Variants in ANP32E observed in about 807,000 individuals in gnomAD.
The protein encoded by ANP32E is acidic nuclear phosphoprotein 32 family member E.
ANP32E carries 14 observed loss-of-function variants against 35.3 expected under a neutral mutation model. The ratio of observed to expected loss-of-function variants is 0.40; its 90% CI spans 0.26 to 0.62. The LOEUF is 0.62. Ranked by LOEUF, ANP32E falls within the 20% of genes least tolerant of loss-of-function variation. The probability of loss-of-function intolerance (pLI) is 0.45; values close to 1 mark genes in which losing one functional copy is unlikely to be tolerated. For synonymous variants in ANP32E, 89 were observed against 110.4 expected (o/e 0.81, Z 1.22); for missense variants, 198 against 304.4 (o/e 0.65, Z 2.60).
At chr1:150,221,506 AGGG>A (rs1452151541) in intron 6 of ANP32E, among the ~76,000 whole-genome samples, 4 of 102,684 alleles carry the variant, frequency 3.9e-5, no homozygotes, top group African/African-American at 1.1e-4. Context: ...GGAGGGAGGG[AGGG>A]AGGAAAGGAA....
intron 1 of ANP32E, chr1:150,234,568 A>T (rs587773077): frequency 1.0e-6 from 1 of 985,058 alleles, no homozygotes; most frequent in Admixed American, 6.1e-5. Flanking sequence ...AGCTACAGAC[A>T]ACTCCCTTAC....
intron 3 of ANP32E, among the ~76,000 whole-genome samples, chr1:150,229,657 T>C (rs868970505): frequency 4.6e-5 from 7 of 152,368 alleles, no homozygotes; most frequent in Middle Eastern, 3.4e-3. Context: ...TTTGTATTTT[T>C]ATTAGAGACA....
At chr1:150,228,568 T>A (rs1649076368) in intron 4 of ANP32E, among the ~76,000 whole-genome samples, 1 of 151,976 alleles carries the variant, frequency 6.6e-6, no homozygotes, top group Admixed American at 6.6e-5. Context: ...GGCGGGCACC[T>A]GTAATCCCAG....
Position 150,229,232 on chromosome 1 carries a change from A to G in ANP32E, c.333T>C (p.Asn111=). ...KDLSTVEALQ[N]LKNLKSLDLF... Reference sequence around the variant, plus strand: ...GGTCAAGACTTTTCAAATTTTTAAGATTTTGCTGGAAAAGTAAAGTTAAAA... The same window carrying G: ...GGTCAAGACTTTTCAAATTTTTAAGGTTTTGCTGGAAAAGTAAAGTTAAAA... The change falls in exon 4 of 7, where the codon AAT becomes AAC. Residue 111 remains asparagine (N), a synonymous_variant. Coordinates refer to ENST00000583931, the MANE Select transcript of ANP32E (RefSeq NM_030920.5). The G allele has an allele frequency of 6.5e-7, 1 of 1,541,834 alleles. No homozygotes were observed. The highest frequency in any genetic ancestry group is 8.7e-7 in the Non-Finnish European group (1 of 1,143,136).
chr1:150,228,460 G>C (rs10888576), intron 4 of ANP32E, among the ~76,000 whole-genome samples: 41,498 of 152,012 alleles, frequency 0.27, 6,211 homozygotes, highest in East Asian at 0.58. Flanking sequence ...AGGAGGCTGA[G>C]GCAGGTGGAT....
Position 150,226,799 on chromosome 1 carries a change from T to A in ANP32E, c.494-4A>T. ...TCTTCATCATCTTCATCGCCATCTT[T>A]AAAAAATCATTTAAAGATGAGTAAA... is the stretch of plus-strand genomic sequence containing the variant. On this transcript the variant is annotated splice_polypyrimidine_tract_variant and splice_region_variant and intron_variant, in intron 4 of 6. Transcript: ENST00000583931. 1 of 1,596,502 alleles carries A rather than the reference T, an allele frequency of 6.3e-7. No individual in the cohort carries two copies. The highest frequency in any genetic ancestry group is 8.5e-7 in the Non-Finnish European group (1 of 1,175,030).
intron 1 of ANP32E, chr1:150,234,530 T>G: frequency 1.1e-6 from 1 of 949,382 alleles, no homozygotes; most frequent in Non-Finnish European, 1.3e-6. Flanking sequence ...ACCACCCCAG[T>G]TATATCCTTC....
Position 150,218,479 on chromosome 1 carries a change from A to G in ANP32E, c.*2212T>C, listed in dbSNP as rs1648094603. The G allele has an allele frequency of 6.6e-6, 1 of 152,624 alleles. No individual in the cohort carries two copies. The highest frequency in any genetic ancestry group is 2.4e-5 in the African/African-American group (1 of 41,466). 9.5% of individuals were successfully genotyped at this position (152,624 alleles called of 1,614,324 possible). The stretch of plus-strand genomic sequence containing the variant: ...TTCAGTTTCAAAAACTTTAAGTTAC[A>G]GCAGTCACAGAAAAAAACAGGGAAC... On this transcript the variant is annotated 3_prime_UTR_variant, in exon 7 of 7. Coordinates refer to ENST00000583931, the MANE Select transcript of ANP32E (RefSeq NM_030920.5).
chr1:150,226,926 CTTT>C, intron 4 of ANP32E, 131 bp from the exon 5 acceptor site: 2 of 966,844 alleles, frequency 2.1e-6, no homozygotes, highest in Non-Finnish European at 2.7e-6. Flanking sequence ...CACAGCGATA[CTTT>C]TTTTTTTTTA....
At position 150,236,014 on chromosome 1, in the gene ANP32E, G is replaced by A; in HGVS notation, c.-228C>T. 1 of 556,728 alleles carries A rather than the reference G, an allele frequency of 1.8e-6. No individual in the cohort carries two copies. Among genetic ancestry groups the A allele is most frequent in the Non-Finnish European group, 3.2e-6 (1 of 309,618 alleles). 34.5% of individuals were successfully genotyped at this position (556,728 alleles called of 1,614,324 possible). A position where few individuals can be genotyped will look rare whatever the true frequency, so the allele number is the denominator to read the frequency against. On this transcript the variant is annotated 5_prime_UTR_variant, in exon 1 of 7. Coordinates refer to ENST00000583931, the MANE Select transcript of ANP32E (RefSeq NM_030920.5). Reference sequence around the variant, plus strand: ...CCCCCACCTCCTTGTCCACACACTAGCGCGCGCACACACACGCACGCACGC... The same window carrying A: ...CCCCCACCTCCTTGTCCACACACTAACGCGCGCACACACACGCACGCACGC...
chr1:150,222,772 A>AAT lies in ANP32E; in HGVS notation c.736+412_736+413dup, dbSNP rs1247177699. On this transcript the variant is annotated intron_variant, in intron 6 of 6. Coordinates refer to ENST00000583931, the MANE Select transcript of ANP32E (RefSeq NM_030920.5). ...ACCCTGTTTCAAACAAACAAACAAAAATATATATATATATAAATTTTTAAA... is the reference window on the plus strand; with the variant it reads ...ACCCTGTTTCAAACAAACAAACAAAAATATATATATATATATAAATTTTTAAA... Among the ~76,000 whole-genome samples the AAT allele has an allele frequency of 2.7e-3, 412 of 150,772 alleles. 2 individuals are homozygous for AAT. The highest frequency in any genetic ancestry group is 8.5e-3 in the African/African-American group (350 of 41,268).
chr1:150,223,332 A>G (rs782192029), intron 5 of ANP32E, 92 bp from the exon 6 acceptor site: 12 of 1,458,070 alleles, frequency 8.2e-6, no homozygotes, highest in African/African-American at 1.4e-5. Context: ...CAAAGAAACT[A>G]TGGTTATTCT....
chr1:150,234,456 T>A, intron 1 of ANP32E: 2 of 321,336 alleles, frequency 6.2e-6, no homozygotes, highest in Non-Finnish European at 8.8e-6. Context: ...TAGTTGCCAC[T>A]CCACACGCCG....
Position 150,235,968 on chromosome 1 carries a change from G to C in ANP32E, c.-182C>G. ...AGAGAATAGCAAATGGAGTCCAAGAGTTGGGACTCTAACTCAGCTGCCCCC... is the reference window on the plus strand; with the variant it reads ...AGAGAATAGCAAATGGAGTCCAAGACTTGGGACTCTAACTCAGCTGCCCCC... On this transcript the variant is annotated 5_prime_UTR_variant, in exon 1 of 7. Coordinates refer to ENST00000583931, the MANE Select transcript of ANP32E (RefSeq NM_030920.5). This position sits in a 1 kb window ranked among gnomAD's most constrained non-coding sequence, Gnocchi z 4.2. 1.7e-6 allele frequency: 1 copy of C among 598,148 alleles called. No individual in the cohort carries two copies. Among genetic ancestry groups the C allele is most frequent in the Non-Finnish European group, 3.0e-6 (1 of 335,754 alleles). 37.1% of individuals were successfully genotyped at this position (598,148 alleles called of 1,614,324 possible).
chr1:150,229,912 A>G (rs1649221662), intron 3 of ANP32E, among the ~76,000 whole-genome samples: 1 of 152,210 alleles, frequency 6.6e-6, no homozygotes, highest in South Asian at 2.1e-4. Context: ...GTGCCCGACC[A>G]CATCATTTCT....
chr1:150,231,986 C>G (rs587765119), intron 1 of ANP32E, 60 bp from the exon 2 acceptor site: 2 of 1,517,814 alleles, frequency 1.3e-6, no homozygotes, highest in African/African-American at 2.8e-5. Flanking sequence ...TAGGTAGAGA[C>G]CTGGGTCTTG....
Position 150,236,042 on chromosome 1 carries a change from GCA to G in ANP32E, c.-258_-257del. ...CGCGCACACACACGCACGCACGCGC[GCA>G]CACACATACACACACACATACACAC... On this transcript the variant is annotated 5_prime_UTR_variant, in exon 1 of 7. It introduces an in-frame stop codon into an upstream open reading frame of the 5' UTR. Transcript: ENST00000583931. 1.9e-6 allele frequency: 1 copy of G among 525,336 alleles called. No homozygotes were observed. Among genetic ancestry groups the G allele is most frequent in the Non-Finnish European group, 3.4e-6 (1 of 290,286 alleles). The allele number at this position is 525,336 out of a possible 1,614,324, so 32.5% of individuals were successfully genotyped here. A position where few individuals can be genotyped will look rare whatever the true frequency, so the allele number is the denominator to read the frequency against.
intron 5 of ANP32E, among the ~76,000 whole-genome samples, chr1:150,225,633 T>G (rs1252203200): frequency 4.4e-5 from 5 of 112,652 alleles, no homozygotes; most frequent in Non-Finnish European, 6.6e-5. Context: ...ATCGCACCAC[T>G]GCACTCCAGC....
chr1:150,223,121 A>T (rs1553838599), intron 6 of ANP32E, 65 bp downstream of exon 6: 1 of 1,436,524 alleles, frequency 7.0e-7, no homozygotes, highest in Non-Finnish European at 9.4e-7. Context: ...AAATACAAAT[A>T]AATAAAGTAT....
Sources: gnomAD v4.1 joint callset for allele counts (sites outside exome capture counted in the v4.1 genomes callset) on GRCh38, gnomAD v4.1.1 for gene constraint, Gnocchi (gnomAD v3.1) non-coding constraint, MANE v1.5 for transcripts, NCBI Gene and HGNC (gene_info 2026-07-23, HGNC 2026-07-21) for gene names.